Variants in PDIA5 observed in about 807,000 individuals in gnomAD.
PDIA5 encodes protein disulfide isomerase family A member 5, also known as protein disulfide-isomerase A5.
Under a neutral mutation model 77.6 loss-of-function variants are expected in PDIA5, and 58 were observed. That is an observed-to-expected ratio of 0.75 (90% CI 0.61 to 0.93). PDIA5 has a LOEUF of 0.93. PDIA5 is among the 40% of genes least tolerant of loss of function. PDIA5 has a pLI of 0.00. For missense variants in PDIA5, 630 were observed against 647.7 expected (o/e 0.97, Z 0.30); for synonymous variants, 250 against 252.1 (o/e 0.99, Z 0.08).
At chr3:123,156,235 G>A (rs1936017927) in intron 15 of PDIA5, among the ~76,000 whole-genome samples, 1 of 152,194 alleles carries the variant, frequency 6.6e-6, no homozygotes, top group Non-Finnish European at 1.5e-5. Context: ...CAGGCAGAGT[G>A]GGGATGAACT....
At chr3:123,089,549 C>T (rs1934232461) in intron 2 of PDIA5, among the ~76,000 whole-genome samples, 1 of 152,270 alleles carries the variant, frequency 6.6e-6, no homozygotes, top group Admixed American at 6.5e-5. Context: ...GCCCCTCACT[C>T]CTCAAGAGGG....
At chr3:123,141,490 G>A (rs1243517256) in intron 11 of PDIA5, among the ~76,000 whole-genome samples, 2 of 152,274 alleles carry the variant, frequency 1.3e-5, no homozygotes, top group African/African-American at 4.8e-5. Context: ...TTGAACTCTC[G>A]GGCGATAGAC....
intron 16 of PDIA5, 191 bp from the exon 17 acceptor site, chr3:123,161,689 G>A (rs1012900586): frequency 1.1e-5 from 7 of 652,346 alleles, no homozygotes; most frequent in South Asian, 1.9e-5. Flanking sequence ...TCCAGATGCC[G>A]AGGGTTTTCT....
chr3:123,159,425 A>G (rs1311797878), intron 15 of PDIA5, among the ~76,000 whole-genome samples: 1 of 152,172 alleles, frequency 6.6e-6, no homozygotes, highest in Non-Finnish European at 1.5e-5. Flanking sequence ...GCCTGGGTGA[A>G]CTGGGCTCCA....
chr3:123,128,901 T>TC (rs1169609480), intron 10 of PDIA5, among the ~76,000 whole-genome samples: 2 of 152,154 alleles, frequency 1.3e-5, no homozygotes, highest in Non-Finnish European at 2.9e-5. Context: ...ATATTTTATC[T>TC]CCCCCCTTTT....
chr3:123,111,575 A>G (rs1934865596), intron 7 of PDIA5, among the ~76,000 whole-genome samples: 1 of 152,252 alleles, frequency 6.6e-6, no homozygotes, highest in African/African-American at 2.4e-5. Flanking sequence ...GATGACAGCC[A>G]GAACATGTGG....
At chr3:123,149,610 T>C (rs901701187) in intron 13 of PDIA5, among the ~76,000 whole-genome samples, 2 of 152,202 alleles carry the variant, frequency 1.3e-5, no homozygotes, top group African/African-American at 4.8e-5. Flanking sequence ...ATGCCTGGCA[T>C]TTATTAGAGC....
chr3:123,156,798 G>T (rs60029376), intron 15 of PDIA5, among the ~76,000 whole-genome samples: 15,068 of 146,806 alleles, frequency 0.1, 2,445 homozygotes, highest in African/African-American at 0.35. Flanking sequence ...CTGAGGCACC[G>T]AGGGGGCTGG....
At chr3:123,132,558 G>T (rs184078220) in intron 11 of PDIA5, among the ~76,000 whole-genome samples, 1 of 152,352 alleles carries the variant, frequency 6.6e-6, no homozygotes, top group Non-Finnish European at 1.5e-5. Context: ...AAGGGCGTCT[G>T]CCTCAGGTCT....
intron 10 of PDIA5, among the ~76,000 whole-genome samples, chr3:123,127,567 G>A (rs941546125): frequency 6.6e-6 from 1 of 152,126 alleles, no homozygotes; most frequent in African/African-American, 2.4e-5. Flanking sequence ...GAGGAAACAG[G>A]ACTCAAGTCA....
At chr3:123,076,799 G>A (rs1043471971) in intron 1 of PDIA5, among the ~76,000 whole-genome samples, 1 of 152,196 alleles carries the variant, frequency 6.6e-6, no homozygotes, top group Admixed American at 6.5e-5. Flanking sequence ...CAAGCTGGCG[G>A]TGATCCAGAC....
At chr3:123,113,311 C>T (rs926936480) in intron 7 of PDIA5, among the ~76,000 whole-genome samples, 2 of 152,142 alleles carry the variant, frequency 1.3e-5, no homozygotes, top group Non-Finnish European at 2.9e-5. Flanking sequence ...GAAGTGTGCA[C>T]GGGCAGTTTG....
chr3:123,145,480 C>T lies in PDIA5; in HGVS notation c.911-42C>T, dbSNP rs371120617. Reference sequence around the variant, plus strand: ...CGGCGCAGGGGAGCATCCCGAGGGCCTCTGTGCCATAAGAATGGTTTCTCT... The same window carrying T: ...CGGCGCAGGGGAGCATCCCGAGGGCTTCTGTGCCATAAGAATGGTTTCTCT... On this transcript the variant is annotated intron_variant, in intron 11 of 16. Transcript: ENST00000316218. 1.7e-4 allele frequency: 256 copies of T among 1,538,818 alleles called. No individual in the cohort carries two copies. The African/African-American group carries it at 2.6e-3, about 16-fold the overall frequency.
intron 11 of PDIA5, among the ~76,000 whole-genome samples, chr3:123,139,962 T>G (rs1239176908): frequency 6.6e-6 from 1 of 152,140 alleles, no homozygotes; most frequent in Non-Finnish European, 1.5e-5. Context: ...CTCCAGCTGC[T>G]TTGAGTACAA....
chr3:123,089,038 C>A, intron 1 of PDIA5, 130 bp from the exon 2 acceptor site: 1 of 764,718 alleles, frequency 1.3e-6, no homozygotes, highest in Non-Finnish European at 2.1e-6. Flanking sequence ...AGGTGTGGTG[C>A]ATGAGATGTG....
At chr3:123,137,286 G>T (rs1156733375) in intron 11 of PDIA5, among the ~76,000 whole-genome samples, 1 of 152,206 alleles carries the variant, frequency 6.6e-6, no homozygotes, top group African/African-American at 2.4e-5. Context: ...ATCTTTTCAT[G>T]TGATAATCAG....
intron 1 of PDIA5, among the ~76,000 whole-genome samples, chr3:123,081,094 G>C (rs907190955): frequency 6.6e-6 from 1 of 152,176 alleles, no homozygotes; most frequent in Non-Finnish European, 1.5e-5. Context: ...TGGCCCCCTT[G>C]CTGCAAGGGA....
At position 123,149,937 on chromosome 3, in the gene PDIA5, C is replaced by T. The variant is rs576046279; in HGVS notation, c.1143-297C>T. ...AGCAGAGGTGCCTCTATGCTCTTGTCAAGGAGTTCGTGGCCCACAACTGGG... is the reference window on the plus strand; with the variant it reads ...AGCAGAGGTGCCTCTATGCTCTTGTTAAGGAGTTCGTGGCCCACAACTGGG... On this transcript the variant is annotated intron_variant, in intron 13 of 16. Transcript: ENST00000316218. Among the ~76,000 whole-genome samples the T allele has an allele frequency of 1.1e-4, 17 of 152,260 alleles. No individual in the cohort carries two copies. In the South Asian group the frequency reaches 3.5e-3, roughly 32 times the overall value.
intron 7 of PDIA5, among the ~76,000 whole-genome samples, chr3:123,114,019 T>A (rs1934934443): frequency 6.6e-6 from 1 of 152,230 alleles, no homozygotes. Context: ...TGGCTTGGCC[T>A]GTGGTTTCCT....
Sources: gnomAD v4.1 joint callset for allele counts (sites outside exome capture counted in the v4.1 genomes callset) on GRCh38, gnomAD v4.1.1 for gene constraint, MANE v1.5 for transcripts, NCBI Gene and HGNC (gene_info 2026-07-23, HGNC 2026-07-21) for gene names.